Variants in SH2D6 observed in about 807,000 individuals in gnomAD.
SH2D6 encodes the protein SH2 domain-containing protein 6.
SH2D6 carries 31 observed loss-of-function variants against 30.2 expected under a neutral mutation model. That is an observed-to-expected ratio of 1.03 (90% CI 0.77 to 1.38). The LOEUF is 1.38. SH2D6 is among the 40% of genes most tolerant of loss of function. The pLI is 0.00. For synonymous variants in SH2D6, 93 were observed against 104.6 expected (o/e 0.89, Z 0.68); for missense variants, 240 against 266.8 (o/e 0.90, Z 0.70).
chr2:85,424,789 T>C (rs773177934), intron 5 of SH2D6, among the ~76,000 whole-genome samples: 7 of 151,724 alleles, frequency 4.6e-5, no homozygotes, highest in Non-Finnish European at 1.0e-4. Flanking sequence ...TAGTCCTGGC[T>C]GGGCTTGTTG....
chr2:85,435,807 G>A lies in SH2D6; in HGVS notation c.874G>A (p.Gly292Ser). 1.3e-6 allele frequency: 2 copies of A among 1,595,890 alleles called. No individual in the cohort carries two copies. Among genetic ancestry groups the A allele is most frequent in the South Asian group, 2.2e-5 (2 of 88,906 alleles). The change falls in exon 22 of 24, where the codon GGC becomes AGC. Residue 292 changes from glycine to serine, a missense_variant. Coordinates refer to ENST00000469800, the MANE Select transcript of SH2D6 (RefSeq NM_001394463.1). ...GGRHYALGREGRNREELFSSV... is the reference protein window; with the variant it reads ...GGRHYALGRESRNREELFSSV... ...ACGCCACTATGCCCTGGGCCGGGAG[G>A]GCAGGAACCGTGAGGAGGTGGGAGC...
intron 23 of SH2D6, 76 bp from the exon 24 acceptor site, chr2:85,436,761 C>A: frequency 1.7e-6 from 1 of 589,350 alleles, no homozygotes; most frequent in South Asian, 1.9e-5. Context: ...GGAGACCCCA[C>A]CCCATGCTCA....
intron 17 of SH2D6, 53 bp downstream of exon 17, chr2:85,434,164 G>C (rs1033328192): frequency 2.7e-5 from 41 of 1,540,100 alleles, no homozygotes; most frequent in Admixed American, 9.8e-5. Flanking sequence ...GACACAGAGA[G>C]AGACAGCACC....
chr2:85,433,711 A>G (rs1689043804), intron 16 of SH2D6, 80 bp downstream of exon 16: 1 of 1,061,306 alleles, frequency 9.4e-7, no homozygotes. Context: ...TCCTGGCTCC[A>G]TCTGCTTCCC....
chr2:85,433,891 C>T (rs1689070353), intron 16 of SH2D6, 142 bp from the exon 17 acceptor site: 1 of 793,996 alleles, frequency 1.3e-6, no homozygotes, highest in Non-Finnish European at 2.0e-6. Flanking sequence ...AGGACAGCAT[C>T]TGCCTCTGGT....
intron 6 of SH2D6, among the ~76,000 whole-genome samples, chr2:85,427,519 TGC>T (rs1688150642): frequency 6.6e-6 from 1 of 152,188 alleles, no homozygotes; most frequent in South Asian, 2.1e-4. Flanking sequence ...CATTTGCCTA[TGC>T]AAAGCCCTGA....
At chr2:85,423,742 C>T (rs1687842251) in intron 5 of SH2D6, among the ~76,000 whole-genome samples, 1 of 152,238 alleles carries the variant, frequency 6.6e-6, no homozygotes, top group Non-Finnish European at 1.5e-5. Context: ...AGACCTGTGA[C>T]AGCAGCAGGC....
chr2:85,423,087 C>G (rs1006718693), intron 5 of SH2D6, among the ~76,000 whole-genome samples: 4 of 152,228 alleles, frequency 2.6e-5, no homozygotes, highest in African/African-American at 9.6e-5. Context: ...AGGGTTTCGC[C>G]ATGTTGGCCA....
chr2:85,435,041 A>G (rs1299927597), intron 19 of SH2D6, 24 bp from the exon 20 acceptor site: 1 of 262,720 alleles, frequency 3.8e-6, no homozygotes, highest in Non-Finnish European at 5.7e-6. Flanking sequence ...ACCCCACCCC[A>G]GCTCAATAAT....
chr2:85,434,544 T>TTCACAGTCAGTTACAGA, intron 19 of SH2D6, 47 bp downstream of exon 19: 1 of 1,547,940 alleles, frequency 6.5e-7, no homozygotes, highest in Non-Finnish European at 8.7e-7. Context: ...CAACTGATTG[T>TTCACAGTCAGTTACAGA]TCACAGTCAG....
In SH2D6 at chr2:85,435,834, G is replaced by A; in HGVS notation, c.891+10G>A. 1 of 1,575,448 alleles carries A rather than the reference G, an allele frequency of 6.3e-7. No homozygotes were observed. The highest frequency in any genetic ancestry group is 1.2e-5 in the South Asian group (1 of 86,482). Reference sequence around the variant, plus strand: ...CAGGAACCGTGAGGAGGTGGGAGCTGGAGGAGGCAGGGGCCTAAGGAGGGA... The same window carrying A: ...CAGGAACCGTGAGGAGGTGGGAGCTAGAGGAGGCAGGGGCCTAAGGAGGGA... On this transcript the variant is annotated intron_variant, in intron 22 of 23. Coordinates refer to ENST00000469800, the MANE Select transcript of SH2D6 (RefSeq NM_001394463.1).
intron 2 of SH2D6, among the ~76,000 whole-genome samples, chr2:85,419,581 G>A (rs1040114888): frequency 7.9e-5 from 12 of 151,178 alleles, no homozygotes; most frequent in African/African-American, 3.0e-4. Flanking sequence ...TGTATCGGGA[G>A]CAGTGACACC....
intron 15 of SH2D6, 109 bp from the exon 16 acceptor site, chr2:85,433,462 G>A: frequency 2.5e-6 from 1 of 394,888 alleles, no homozygotes; most frequent in Non-Finnish European, 3.4e-6. Context: ...GAGGGAGTGA[G>A]GTGCCTGCCA....
intron 5 of SH2D6, among the ~76,000 whole-genome samples, chr2:85,424,427 T>A (rs1415701926): frequency 6.6e-6 from 1 of 152,154 alleles, no homozygotes; most frequent in South Asian, 2.1e-4. Context: ...TTTCTTTCTA[T>A]CTATATTGAT....
chr2:85,433,998 C>A, intron 16 of SH2D6, 35 bp from the exon 17 acceptor site: 1 of 1,531,722 alleles, frequency 6.5e-7, no homozygotes, highest in Non-Finnish European at 8.8e-7. Flanking sequence ...CTGCCTGGTG[C>A]TCAGCCGAGC....
At position 85,419,028 on chromosome 2, in the gene SH2D6, G is replaced by T. The variant is rs1687652550; in HGVS notation, c.-792-1G>T. ...TCCTGAACCCTTCCTCCATCGCCTA[G>T]AGCAAACTCCCATTCCTGGAAGGAG... On this transcript the variant is annotated splice_acceptor_variant, in intron 1 of 23. Transcript: ENST00000469800. LOFTEE classifies it low-confidence loss of function (5UTR_SPLICE). 1 of 152,434 alleles carries T rather than the reference G, an allele frequency of 6.6e-6. No individual in the cohort carries two copies. Among genetic ancestry groups the T allele is most frequent in the African/African-American group, 2.4e-5 (1 of 41,466 alleles). 9.4% of individuals were successfully genotyped at this position (152,434 alleles called of 1,614,324 possible).
chr2:85,426,115 C>T (rs1236815213), intron 6 of SH2D6, among the ~76,000 whole-genome samples: 1 of 152,196 alleles, frequency 6.6e-6, no homozygotes, highest in African/African-American at 2.4e-5. Context: ...TGCGCTCTCC[C>T]ACCTCTGAGA....
chr2:85,435,938 C>A, intron 22 of SH2D6, 114 bp downstream of exon 22: 2 of 1,342,020 alleles, frequency 1.5e-6, no homozygotes, highest in Non-Finnish European at 2.0e-6. Context: ...CTGGGGTGGG[C>A]AGAAATGACA....
rs1033464173 is a variant in SH2D6, at chr2:85,434,500, G to A, written c.589+3G>A. 2.1e-5 allele frequency: 33 copies of A among 1,550,088 alleles called. No homozygotes were observed. Among genetic ancestry groups the A allele is most frequent in the Non-Finnish European group, 2.7e-5 (31 of 1,146,940 alleles). On this transcript the variant is annotated splice_donor_region_variant and intron_variant, in intron 19 of 23. Transcript: ENST00000469800. ...AACAGCAGATGCTGCCTCTAAAGGT[G>A]AGTAAAGGCTGGTCCAAAGGTAGTG...
Sources: allele counts gnomAD v4.1 joint callset (sites outside exome capture counted in the v4.1 genomes callset), GRCh38; gene constraint gnomAD v4.1.1; transcripts MANE v1.5; gene names NCBI Gene and HGNC (gene_info 2026-07-23, HGNC 2026-07-21).